The following DNER variants were observed in gnomAD, a reference collection of about 807,000 sequenced individuals.
DNER encodes the protein delta/notch like EGF repeat containing, also known as delta and Notch-like epidermal growth factor-related receptor.
A neutral mutation model predicts 78.2 loss-of-function variants in DNER; 33 were observed. The ratio of observed to expected loss-of-function variants is 0.42; its 90% confidence interval spans 0.32 to 0.56. DNER has a LOEUF of 0.56. DNER is among the 20% of genes least tolerant of loss of function. DNER has a pLI of 0.11. For missense variants in DNER, 918 were observed against 975.3 expected (o/e 0.94, Z 0.78); for synonymous variants, 417 against 384.8 (o/e 1.08, Z -0.98).
intron 1 of DNER, among the ~76,000 whole-genome samples, chr2:229,665,759 A>C (rs1045354340): frequency 6.6e-6 from 1 of 152,202 alleles, no homozygotes; most frequent in Non-Finnish European, 1.5e-5. Context: ...ACTTGGGACC[A>C]TCTTTGCATA....
intron 10 of DNER, among the ~76,000 whole-genome samples, chr2:229,403,917 A>G (rs569055726): frequency 6.6e-6 from 1 of 152,168 alleles, no homozygotes; most frequent in Non-Finnish European, 1.5e-5. Flanking sequence ...CTTAAAGATT[A>G]TGTTAAGGAC....
chr2:229,479,290 G>A (rs1005229295), intron 6 of DNER, among the ~76,000 whole-genome samples: 10 of 152,208 alleles, frequency 6.6e-5, no homozygotes, highest in Middle Eastern at 3.4e-3. Context: ...CACACAGTCC[G>A]CCTAAGGTTA....
chr2:229,508,876 A>G (rs1249491151), intron 6 of DNER, among the ~76,000 whole-genome samples: 1 of 148,258 alleles, frequency 6.7e-6, no homozygotes, highest in African/African-American at 2.5e-5. Context: ...GTGAGACTCC[A>G]TCTCAAAAAG....
At chr2:229,387,148 A>T (rs1270679526) in intron 11 of DNER, among the ~76,000 whole-genome samples, 1 of 152,152 alleles carries the variant, frequency 6.6e-6, no homozygotes, top group Non-Finnish European at 1.5e-5. Flanking sequence ...ATGCAGCCAT[A>T]AAAAAGGATG....
At position 229,460,956 on chromosome 2, in the gene DNER, T is replaced by C. The variant is rs1214105307; in HGVS notation, c.1262-13416A>G. Among the ~76,000 whole-genome samples, 2 of 152,078 alleles carry C rather than the reference T, an allele frequency of 1.3e-5. 1 individual carries two copies. The highest frequency in any genetic ancestry group is 4.8e-5 in the African/African-American group (2 of 41,342). ...AGTCCGATTCCCCCTTGTAGAAATA[T>C]AGAAGTCTGCAAGTCAAAGCTAAAG... On this transcript the variant is annotated intron_variant, in intron 7 of 12. Transcript: ENST00000341772.
intron 11 of DNER, among the ~76,000 whole-genome samples, chr2:229,385,321 A>T (rs553484359): frequency 1.4e-4 from 21 of 152,282 alleles, no homozygotes; most frequent in African/African-American, 5.1e-4. Flanking sequence ...GACAGAACGT[A>T]TCTCAAAATA....
chr2:229,674,863 C>T (rs370008143), intron 1 of DNER, among the ~76,000 whole-genome samples: 179 of 152,308 alleles, frequency 1.2e-3, no homozygotes, highest in African/African-American at 4.0e-3. Flanking sequence ...GACGTAAGGT[C>T]ATACAGATTG....
intron 5 of DNER, among the ~76,000 whole-genome samples, 161 bp downstream of exon 5, chr2:229,546,782 TAGAC>T (rs1194598803): frequency 2.7e-5 from 4 of 147,406 alleles, no homozygotes; most frequent in Admixed American, 6.8e-5. Flanking sequence ...GACAGACAGA[TAGAC>T]AGATAGATAG....
intron 1 of DNER, among the ~76,000 whole-genome samples, chr2:229,702,895 G>T (rs929620846): frequency 5.5e-5 from 8 of 144,432 alleles, no homozygotes; most frequent in Middle Eastern, 3.7e-3. Flanking sequence ...CCAGCCTGGG[G>T]GACACAGCGA....
At position 229,607,993 on chromosome 2, in the gene DNER, G is replaced by T. The variant is rs11894599; in HGVS notation, c.277-16105C>A. Among the ~76,000 whole-genome samples the T allele has an allele frequency of 5.4e-3, 733 of 134,628 alleles. 6 individuals carry two copies. Among genetic ancestry groups the T allele is most frequent in the African/African-American group, 0.019 (686 of 35,196 alleles). The allele number at this position is 134,628 out of a possible 152,430, so 88.3% of individuals were successfully genotyped here. A position where few individuals can be genotyped will look rare whatever the true frequency, so the allele number is the denominator to read the frequency against. Reference sequence around the variant, plus strand: ...GCCGAGATCATACCACTCCACTCCAGCCTGGGTGACAGAGCGAAACTCTGT... The same window carrying T: ...GCCGAGATCATACCACTCCACTCCATCCTGGGTGACAGAGCGAAACTCTGT... On this transcript the variant is annotated intron_variant, in intron 1 of 12. Coordinates refer to ENST00000341772, the MANE Select transcript of DNER (RefSeq NM_139072.4).
At chr2:229,453,935 A>AG (rs1694515154) in intron 7 of DNER, among the ~76,000 whole-genome samples, 1 of 151,016 alleles carries the variant, frequency 6.6e-6, no homozygotes, top group Non-Finnish European at 1.5e-5. Context: ...AAAAAAAAAA[A>AG]AAAAAAAGAA....
At chr2:229,537,110 C>T (rs930877013) in intron 5 of DNER, among the ~76,000 whole-genome samples, 29 of 151,952 alleles carry the variant, frequency 1.9e-4, no homozygotes, top group East Asian at 1.9e-4. Flanking sequence ...CGTAGCATCT[C>T]GGGGCCATCC....
intron 1 of DNER, among the ~76,000 whole-genome samples, chr2:229,712,042 C>A (rs1432710053): frequency 2.0e-5 from 3 of 152,104 alleles, no homozygotes; most frequent in Non-Finnish European, 4.4e-5. Context: ...TAACCAAGTC[C>A]AATCAAGTTC....
rs114082298 is a variant in DNER, at chr2:229,398,722, A to T, written c.1723+8510T>A. Among the ~76,000 whole-genome samples the T allele has an allele frequency of 4.1e-3, 628 of 152,232 alleles. 5 individuals carry two copies. Among genetic ancestry groups the T allele is most frequent in the African/African-American group, 0.014 (568 of 41,588 alleles). ...AAAATATTAGGAAATAGAATTTAGC[A>T]AAGTATTATATAAAATGAGTTATAC... On this transcript the variant is annotated intron_variant, in intron 10 of 12. Transcript: ENST00000341772.
chr2:229,473,512 C>T (rs752928231), intron 7 of DNER, among the ~76,000 whole-genome samples: 2 of 152,142 alleles, frequency 1.3e-5, no homozygotes, highest in Non-Finnish European at 2.9e-5. Flanking sequence ...GTGTGTGCTT[C>T]CTAGCATACA....
rs546082381 is a variant in DNER at position 229,378,405 on chromosome 2, C to T, written c.1855+9860G>A. Among the ~76,000 whole-genome samples the T allele has an allele frequency of 5.3e-5, 8 of 152,274 alleles. No homozygotes were observed. The South Asian group carries it at 1.7e-3, about 32-fold the overall frequency. ...AAATCTGAAAGAAGAGAGCTCCAGG[C>T]ATAGGGAACAGCATGGGTGAAGGTC... On this transcript the variant is annotated intron_variant, in intron 11 of 12. Transcript: ENST00000341772.
At chr2:229,594,781 G>A (rs1349224660) in intron 1 of DNER, among the ~76,000 whole-genome samples, 1 of 151,986 alleles carries the variant, frequency 6.6e-6, no homozygotes, top group Non-Finnish European at 1.5e-5. Flanking sequence ...CAGAAGGTAA[G>A]GGTTATATTT....
At chr2:229,539,520 A>G (rs1484969296) in intron 5 of DNER, among the ~76,000 whole-genome samples, 1 of 152,218 alleles carries the variant, frequency 6.6e-6, no homozygotes, top group Non-Finnish European at 1.5e-5. Flanking sequence ...TTTTCTCACT[A>G]TTTTGTAAAA....
intron 1 of DNER, among the ~76,000 whole-genome samples, chr2:229,684,612 T>TC (rs1699453512): frequency 6.6e-6 from 1 of 152,056 alleles, no homozygotes. Flanking sequence ...GCTCCTGTCT[T>TC]CCCCTCTAGA....
Sources: allele counts gnomAD v4.1 joint callset (sites outside exome capture counted in the v4.1 genomes callset), GRCh38; gene constraint gnomAD v4.1.1; transcripts MANE v1.5; gene names NCBI Gene and HGNC (gene_info 2026-07-23, HGNC 2026-07-21).